RBFOX1: variants seen among roughly 807,000 people sequenced by gnomAD.
RBFOX1 encodes the protein RNA binding protein fox-1 homolog 1.
RBFOX1 carries 8 observed loss-of-function variants against 57.7 expected under a neutral mutation model. That is an observed-to-expected ratio of 0.14 (90% CI 0.08 to 0.25). RBFOX1 has a LOEUF of 0.25. Ranked by LOEUF, RBFOX1 falls within the 10% of genes least tolerant of loss-of-function variation. The pLI is 1.00. For synonymous variants in RBFOX1, 326 were observed against 222.4 expected, an observed-to-expected ratio of 1.47 and a Z score of -4.15; for missense variants, 611 against 548.5, an observed-to-expected ratio of 1.11 and a Z score of -1.14.
At chr16:6,417,851 C>T (rs2093668429) in intron 2 of RBFOX1, among the ~76,000 whole-genome samples, 1 of 151,788 alleles carries the variant, frequency 6.6e-6, no homozygotes, top group South Asian at 2.1e-4. Context: ...TCCTGATTTA[C>T]ACATGTAAAT....
rs151044624 is a variant in RBFOX1 at position 5,890,432 on chromosome 16, C to T, written c.351+23097C>T. Among the ~76,000 whole-genome samples, 988 of 152,236 alleles carry T rather than the reference C, an allele frequency of 6.5e-3. 12 individuals are homozygous for T. The highest frequency in any genetic ancestry group is 0.023 in the African/African-American group (952 of 41,526). On this transcript the variant is annotated intron_variant, in intron 4 of 19. Coordinates refer to the RBFOX1 transcript ENST00000641259. ...AAGAAGTGAAGGCTGGGCGCAGTGGCTCATGCCTGTAATCCCACCACTTTG... is the reference window on the plus strand; with the variant it reads ...AAGAAGTGAAGGCTGGGCGCAGTGGTTCATGCCTGTAATCCCACCACTTTG...
chr16:6,004,762 T>G (rs957956450), intron 4 of RBFOX1, among the ~76,000 whole-genome samples: 16 of 152,210 alleles, frequency 1.1e-4, no homozygotes, highest in African/African-American at 3.9e-4. Flanking sequence ...CTTTATTGAC[T>G]TGGTGAACCT....
intron 3 of RBFOX1, among the ~76,000 whole-genome samples, chr16:7,005,912 G>A (rs768491427): frequency 7.2e-5 from 11 of 152,016 alleles, no homozygotes; most frequent in Non-Finnish European, 1.0e-4. Context: ...TGATATAATT[G>A]GTCTTTCTGA....
At chr16:6,153,031 C>CTTT (rs2096809298) in intron 1 of RBFOX1, among the ~76,000 whole-genome samples, 1 of 108,308 alleles carries the variant, frequency 9.2e-6, no homozygotes, top group African/African-American at 4.2e-5. Context: ...TAGTTATTTT[C>CTTT]TGTTTTTTTT....
At chr16:5,487,515 C>G (rs1020413872) in intron 2 of RBFOX1, among the ~76,000 whole-genome samples, 2 of 152,140 alleles carry the variant, frequency 1.3e-5, no homozygotes, top group African/African-American at 4.8e-5. Context: ...GCAGAAAACT[C>G]AAGTCTGGAA....
chr16:7,357,851 C>G (rs976096270), intron 4 of RBFOX1, among the ~76,000 whole-genome samples: 1 of 152,280 alleles, frequency 6.6e-6, no homozygotes, highest in East Asian at 1.9e-4. Flanking sequence ...GGCTTCTTTT[C>G]CATTCATGGA....
At chr16:7,548,595 T>A (rs1025611045) in intron 5 of RBFOX1, among the ~76,000 whole-genome samples, 4 of 152,186 alleles carry the variant, frequency 2.6e-5, no homozygotes, top group Admixed American at 6.5e-5. Flanking sequence ...TGCACACACA[T>A]GCGGTTGCAC....
At chr16:5,829,875 A>T (rs1466344694) in intron 3 of RBFOX1, among the ~76,000 whole-genome samples, 4 of 152,122 alleles carry the variant, frequency 2.6e-5, no homozygotes, top group African/African-American at 9.7e-5. Flanking sequence ...AACAGGGGGG[A>T]AGAAAAGGCC....
At chr16:6,514,434 G>C in intron 2 of RBFOX1, among the ~76,000 whole-genome samples, 1 of 152,128 alleles carries the variant, frequency 6.6e-6, no homozygotes, top group East Asian at 1.9e-4. Context: ...TTAAGTGCCA[G>C]GTTTAGTCCC....
At chr16:6,643,441 TG>T (rs1316155111) in intron 2 of RBFOX1, among the ~76,000 whole-genome samples, 1 of 152,136 alleles carries the variant, frequency 6.6e-6, no homozygotes, top group African/African-American at 2.4e-5. Flanking sequence ...TGTTTTGTTT[TG>T]TTTTTGCGGT....
At chr16:5,640,977 T>C (rs969682719) in intron 3 of RBFOX1, among the ~76,000 whole-genome samples, 2 of 141,394 alleles carry the variant, frequency 1.4e-5, no homozygotes, top group African/African-American at 5.4e-5. Context: ...TGCACACACA[T>C]ACATGCATAT....
intron 4 of RBFOX1, among the ~76,000 whole-genome samples, chr16:7,186,964 C>T (rs1247871452): frequency 1.4e-5 from 2 of 139,982 alleles, no homozygotes; most frequent in Non-Finnish European, 3.0e-5. Context: ...TTGAGACCAG[C>T]CTGGGCAACA....
chr16:7,409,606 G>C (rs1043237901), intron 4 of RBFOX1, among the ~76,000 whole-genome samples: 1 of 152,122 alleles, frequency 6.6e-6, no homozygotes, highest in Non-Finnish European at 1.5e-5. Flanking sequence ...TATTACGTTC[G>C]TTTGGATGGT....
intron 3 of RBFOX1, among the ~76,000 whole-genome samples, chr16:5,685,521 A>G (rs1251083828): frequency 6.6e-6 from 1 of 152,250 alleles, no homozygotes; most frequent in Non-Finnish European, 1.5e-5. Flanking sequence ...TCATTAAGTT[A>G]TCACAGGGTT....
upstream of RBFOX1, among the ~76,000 whole-genome samples, chr16:6,016,242 AC>A (rs2094992874): frequency 6.6e-6 from 1 of 152,216 alleles, no homozygotes; most frequent in Non-Finnish European, 1.5e-5. Context: ...GTTCGCAAGA[AC>A]ACCTTATCTG....
At chr16:5,354,499 G>A (rs2065339457) in intron 1 of RBFOX1, among the ~76,000 whole-genome samples, 1 of 152,202 alleles carries the variant, frequency 6.6e-6, no homozygotes, top group Non-Finnish European at 1.5e-5. Context: ...CAACAGGGCT[G>A]CTTGGGGGTT....
At chr16:6,935,780 G>A (rs1265423189) in intron 3 of RBFOX1, among the ~76,000 whole-genome samples, 2 of 152,118 alleles carry the variant, frequency 1.3e-5, no homozygotes, top group South Asian at 4.1e-4. Flanking sequence ...AGGCGAGGTG[G>A]ACTGTCAAGC....
intron 4 of RBFOX1, among the ~76,000 whole-genome samples, chr16:7,357,766 C>G (rs1260333140): frequency 6.6e-6 from 1 of 152,166 alleles, no homozygotes; most frequent in African/African-American, 2.4e-5. Flanking sequence ...GGTGCTTTAA[C>G]TCTTTATTTT....
intron 1 of RBFOX1, among the ~76,000 whole-genome samples, chr16:5,330,980 G>C (rs1345139973): frequency 3.3e-5 from 1 of 29,878 alleles, no homozygotes; most frequent in Non-Finnish European, 3.3e-3. Context: ...AGGCTCTCTG[G>C]TGGTTTTTTT....
Sources: allele counts gnomAD v4.1 joint callset (sites outside exome capture counted in the v4.1 genomes callset), GRCh38; gene constraint gnomAD v4.1.1; transcripts MANE v1.5; gene names NCBI Gene and HGNC (gene_info 2026-07-23, HGNC 2026-07-21).